Variants in ROBO2 observed in about 807,000 individuals in gnomAD.
ROBO2 encodes roundabout guidance receptor 2, also known as roundabout homolog 2.
A neutral mutation model predicts 160.8 loss-of-function variants in ROBO2; 53 were observed. The observed-to-expected ratio is 0.33, with a 90% confidence interval of 0.26 to 0.41. The LOEUF is 0.41. ROBO2 is among the 10% of genes least tolerant of loss of function. The pLI, the probability that ROBO2 is intolerant of heterozygous loss-of-function variation, is 1.00. For missense variants in ROBO2, 1,577 were observed against 1,722.4 expected, an observed-to-expected ratio of 0.92 and a Z score of 1.49; for synonymous variants, 664 against 611.7, an observed-to-expected ratio of 1.09 and a Z score of -1.26.
chr3:77,303,769 CTTTA>C (rs1271514607), intron 2 of ROBO2, among the ~76,000 whole-genome samples: 10 of 151,888 alleles, frequency 6.6e-5, no homozygotes, highest in African/African-American at 1.9e-4. Flanking sequence ...TATATTCAAT[CTTTA>C]TTTGACAATG....
At chr3:76,815,838 T>G (rs1471226486) in intron 2 of ROBO2, among the ~76,000 whole-genome samples, 2 of 152,084 alleles carry the variant, frequency 1.3e-5, no homozygotes, top group African/African-American at 4.8e-5. Flanking sequence ...ATTTAGTAAT[T>G]ACTTTCTCCT....
At chr3:77,154,015 G>T (rs561717749) in intron 2 of ROBO2, among the ~76,000 whole-genome samples, 102 of 152,052 alleles carry the variant, frequency 6.7e-4, no homozygotes, top group Non-Finnish European at 1.4e-3. Context: ...GCCAATATGA[G>T]CAGGATGGAA....
At chr3:75,982,310 T>C (rs1188020897) in intron 2 of ROBO2, among the ~76,000 whole-genome samples, 2 of 151,494 alleles carry the variant, frequency 1.3e-5, no homozygotes, top group African/African-American at 2.4e-5. Flanking sequence ...TGCTAGATCA[T>C]GTGGTAGCTC....
chr3:76,487,390 T>TA (rs922498139), intron 2 of ROBO2, among the ~76,000 whole-genome samples: 2 of 151,922 alleles, frequency 1.3e-5, no homozygotes, highest in Admixed American at 6.6e-5. Context: ...TGTAAAAATG[T>TA]AAAAAAATGG....
intron 2 of ROBO2, among the ~76,000 whole-genome samples, chr3:77,387,356 GA>G (rs1560694263): frequency 2.8e-5 from 4 of 140,682 alleles, no homozygotes; most frequent in Admixed American, 7.2e-5. Flanking sequence ...AAAAAAAAAT[GA>G]AAAAAAGAAA....
intron 2 of ROBO2, among the ~76,000 whole-genome samples, chr3:76,233,863 A>G (rs1704774664): frequency 6.6e-6 from 1 of 152,144 alleles, no homozygotes; most frequent in Non-Finnish European, 1.5e-5. Flanking sequence ...CAGCTTTGTT[A>G]TACAGGTGTA....
intron 2 of ROBO2, among the ~76,000 whole-genome samples, chr3:77,288,882 C>T (rs1273084275): frequency 6.6e-6 from 1 of 151,982 alleles, no homozygotes; most frequent in Non-Finnish European, 1.5e-5. Flanking sequence ...AGTACAATCA[C>T]ATCTAGTAAA....
At chr3:76,198,236 G>C (rs537928874) in intron 2 of ROBO2, among the ~76,000 whole-genome samples, 12 of 148,670 alleles carry the variant, frequency 8.1e-5, no homozygotes, top group Non-Finnish European at 1.6e-4. Flanking sequence ...AGGGAGATCC[G>C]ACATACCTCA....
intron 2 of ROBO2, among the ~76,000 whole-genome samples, chr3:77,410,630 T>TTCCTCCTCCTCCTCCTCC (rs2076674207): frequency 1.3e-5 from 1 of 75,320 alleles, no homozygotes; most frequent in Admixed American, 1.4e-4. Flanking sequence ...TCTCCTCCTC[T>TTCCTCCTCCTCCTCCTCC]TCCTCCTGCT....
At chr3:77,637,621 G>A (rs1037473301) in intron 24 of ROBO2, among the ~76,000 whole-genome samples, 2 of 151,960 alleles carry the variant, frequency 1.3e-5, no homozygotes, top group Non-Finnish European at 2.9e-5. Flanking sequence ...AAATAAAAAA[G>A]GACTACTTTC....
intron 2 of ROBO2, among the ~76,000 whole-genome samples, chr3:76,195,004 A>G (rs1368849591): frequency 6.6e-6 from 1 of 151,984 alleles, no homozygotes; most frequent in Non-Finnish European, 1.5e-5. Context: ...AGTTCAATCT[A>G]TTATCAGTTT....
chr3:77,212,937 G>A (rs368414580), intron 2 of ROBO2, among the ~76,000 whole-genome samples: 2 of 152,162 alleles, frequency 1.3e-5, no homozygotes, highest in African/African-American at 4.8e-5. Flanking sequence ...ACTTGATCAT[G>A]GTGGATAAGC....
At chr3:77,410,494 C>T (rs2076616735) in intron 2 of ROBO2, among the ~76,000 whole-genome samples, 1 of 144,706 alleles carries the variant, frequency 6.9e-6, no homozygotes, top group African/African-American at 2.5e-5. Context: ...CTTCTTTCCT[C>T]CTCCTCCTCT....
chr3:77,099,059 T>TTTC (rs1560005500), intron 2 of ROBO2, among the ~76,000 whole-genome samples: 6 of 135,976 alleles, frequency 4.4e-5, no homozygotes, highest in African/African-American at 1.6e-4. Flanking sequence ...AAAATTGTAC[T>TTTC]TTTCTTTCTT....
chr3:77,572,083 C>T lies in ROBO2; in HGVS notation c.1972-2416C>T, dbSNP rs533956229. Among the ~76,000 whole-genome samples, 6 of 152,126 alleles carry T rather than the reference C, an allele frequency of 3.9e-5. No homozygotes were observed. In the East Asian group the frequency reaches 9.7e-4, roughly 25 times the overall value. ...AAACACTTAATTAATGAAAACCAAACATGGATAAAACCAATTTACCCTGAT... is the reference window on the plus strand; with the variant it reads ...AAACACTTAATTAATGAAAACCAAATATGGATAAAACCAATTTACCCTGAT... On this transcript the variant is annotated intron_variant, in intron 13 of 25. Coordinates refer to ENST00000461745, the Ensembl canonical transcript of ROBO2.
At position 76,479,832 on chromosome 3, in the gene ROBO2, A is replaced by G. The variant is rs2107294611; in HGVS notation, c.109+542230A>G. 2.0e-5 allele frequency among the ~76,000 whole-genome samples: 3 copies of G among 152,238 alleles called. No homozygotes were observed. The Middle Eastern group carries it at 0.01, about 518-fold the overall frequency. Reference sequence around the variant, plus strand: ...ACAGACAGTGTCCAACTTTGGATAAAATGTCTTTGGTGGAATTCGGGTTTT... The same window carrying G: ...ACAGACAGTGTCCAACTTTGGATAAGATGTCTTTGGTGGAATTCGGGTTTT... On this transcript the variant is annotated intron_variant, in intron 2 of 26. Transcript: ENST00000487694.
chr3:77,522,186 G>A (rs532723456), intron 5 of ROBO2, among the ~76,000 whole-genome samples: 8 of 151,240 alleles, frequency 5.3e-5, no homozygotes, highest in African/African-American at 1.2e-4. Flanking sequence ...ATAAATGCAC[G>A]TGAACGAGCT....
At chr3:76,321,269 G>C (rs2072500158) in intron 2 of ROBO2, among the ~76,000 whole-genome samples, 1 of 152,084 alleles carries the variant, frequency 6.6e-6, no homozygotes, top group African/African-American at 2.4e-5. Flanking sequence ...TGTAATCCCA[G>C]ACTTTGGGAG....
At chr3:75,981,765 C>G (rs1269015050) in intron 2 of ROBO2, among the ~76,000 whole-genome samples, 1 of 151,266 alleles carries the variant, frequency 6.6e-6, no homozygotes, top group Admixed American at 6.6e-5. Flanking sequence ...CTTTGAGTTA[C>G]AAACAATCCA....
Sources: gnomAD v4.1 joint callset for allele counts (sites outside exome capture counted in the v4.1 genomes callset) on GRCh38, gnomAD v4.1.1 for gene constraint, MANE v1.5 for transcripts, NCBI Gene and HGNC (gene_info 2026-07-23, HGNC 2026-07-21) for gene names.